The following PGS1 variants were observed in gnomAD, a reference collection of about 807,000 sequenced individuals.
PGS1 encodes CDP-diacylglycerol--glycerol-3-phosphate 3-phosphatidyltransferase, mitochondrial.
In PGS1, 44 loss-of-function variants were observed where a neutral mutation model predicts 58.3. The observed-to-expected ratio is 0.75, with a 90% CI of 0.59 to 0.97. The LOEUF (loss-of-function observed/expected upper bound fraction) is 0.97. PGS1 is among the 50% of genes least tolerant of loss of function. PGS1 has a pLI of 0.00. For synonymous variants in PGS1, 330 were observed against 311.0 expected (o/e 1.06, Z -0.64); for missense variants, 684 against 731.1 (o/e 0.94, Z 0.74).
intron 6 of PGS1, 39 bp from the exon 7 acceptor site, chr17:78,403,529 A>G (rs923595893): frequency 1.3e-6 from 2 of 1,591,000 alleles, no homozygotes; most frequent in African/African-American, 2.7e-5. Context: ...CAGACCCTCC[A>G]TTTCTCTTCC....
At chr17:78,423,662 C>T (rs866320078) in intron 9 of PGS1, 11 of 491,782 alleles carry the variant, frequency 2.2e-5, no homozygotes, top group African/African-American at 1.2e-4. Context: ...CCAGGCCTCA[C>T]AGTGGCCATC....
At chr17:78,423,339 G>C (rs980780633) in intron 9 of PGS1, among the ~76,000 whole-genome samples, 1 of 152,172 alleles carries the variant, frequency 6.6e-6, no homozygotes, top group East Asian at 1.9e-4. Context: ...TCTAGACTCT[G>C]GGGGCGGGGG....
chr17:78,390,438 T>G (rs1292269108), intron 1 of PGS1, among the ~76,000 whole-genome samples: 1 of 152,186 alleles, frequency 6.6e-6, no homozygotes, highest in Non-Finnish European at 1.5e-5. Flanking sequence ...TTCTTGGCAG[T>G]GAATCGGCAG....
intron 8 of PGS1, among the ~76,000 whole-genome samples, 168 bp downstream of exon 8, chr17:78,415,195 GAGCCTTGGA>G (rs2085073452): frequency 6.6e-6 from 1 of 152,204 alleles, no homozygotes. Flanking sequence ...ATGGGTGGCT[GAGCCTTGGA>G]AGATCATGCC....
intron 1 of PGS1, among the ~76,000 whole-genome samples, chr17:78,386,315 C>G (rs559394704): frequency 6.6e-6 from 1 of 152,308 alleles, no homozygotes; most frequent in South Asian, 2.1e-4. Context: ...ATTTTGAATG[C>G]TGGAGCACTG....
At chr17:78,416,236 A>G (rs551690514) in intron 8 of PGS1, among the ~76,000 whole-genome samples, 2 of 152,222 alleles carry the variant, frequency 1.3e-5, no homozygotes, top group Non-Finnish European at 2.9e-5. Context: ...TTTACAGCAA[A>G]TGACTGAGGA....
chr17:78,404,046 G>A lies in PGS1; in HGVS notation c.1359G>A (p.Gln453=). ...GCCTGGGACAGCAGGAGCGGGTCCA[G>A]CTTCAGGAGTACTGGCGGAGGGGCT... ...VCSLGQQERV[Q]LQEYWRRGWT... is the part of the protein sequence containing the mutation. The change falls in exon 7 of 10, where the codon CAG becomes CAA. Residue 453 remains glutamine, a synonymous_variant. Coordinates refer to ENST00000262764, the MANE Select transcript of PGS1 (RefSeq NM_024419.5). 1.2e-6 allele frequency: 2 copies of A among 1,606,778 alleles called. No homozygotes were observed. Among genetic ancestry groups the A allele is most frequent in the Non-Finnish European group, 1.7e-6 (2 of 1,175,562 alleles).
chr17:78,409,373 ATGCTGACAGGGAAATCTG>A (rs1195581310), intron 7 of PGS1, among the ~76,000 whole-genome samples: 3 of 152,288 alleles, frequency 2.0e-5, no homozygotes, highest in African/African-American at 7.2e-5. Flanking sequence ...TTTCTGGCTC[ATGCTGACAGGGAAATCTG>A]TTAATGGTTG....
At chr17:78,389,269 C>G (rs201644265) in intron 1 of PGS1, among the ~76,000 whole-genome samples, 140 of 151,894 alleles carry the variant, frequency 9.2e-4, no homozygotes, top group Non-Finnish European at 1.6e-3. Context: ...TCACTGCAAC[C>G]TCCGCCTCCC....
At chr17:78,385,602 T>G (rs973043414) in intron 1 of PGS1, among the ~76,000 whole-genome samples, 1 of 152,212 alleles carries the variant, frequency 6.6e-6, no homozygotes, top group Non-Finnish European at 1.5e-5. Context: ...TTTTTGTATT[T>G]TTAGTAGAGA....
intron 1 of PGS1, among the ~76,000 whole-genome samples, chr17:78,385,981 G>A (rs1416919812): frequency 6.6e-6 from 1 of 152,142 alleles, no homozygotes; most frequent in Non-Finnish European, 1.5e-5. Flanking sequence ...CAAGATGATG[G>A]GAAGAAACTT....
intron 1 of PGS1, among the ~76,000 whole-genome samples, chr17:78,386,555 T>C (rs1236935750): frequency 6.6e-6 from 1 of 152,246 alleles, no homozygotes; most frequent in Admixed American, 6.5e-5. Context: ...GTGTGTGTAC[T>C]GGTTTAGTTC....
Position 78,415,344 on chromosome 17 carries a change from A to G in PGS1, c.1551+317A>G, listed in dbSNP as rs150359699. Among the ~76,000 whole-genome samples the G allele has an allele frequency of 5.2e-3, 788 of 152,238 alleles. 6 individuals are homozygous for G. The highest frequency in any genetic ancestry group is 0.018 in the African/African-American group (762 of 41,540). On this transcript the variant is annotated intron_variant, in intron 8 of 9. Coordinates refer to ENST00000262764, the MANE Select transcript of PGS1 (RefSeq NM_024419.5). ...AAGGGTCAACTGTTAAAGGTTCGGC[A>G]TTGGGGCTGGGTGTGGTGGCTCATG...
chr17:78,383,711 A>G (rs1040217337), intron 1 of PGS1, among the ~76,000 whole-genome samples: 7 of 152,238 alleles, frequency 4.6e-5, no homozygotes, highest in Non-Finnish European at 8.8e-5. Context: ...ATGGCTGGGA[A>G]GGGGATATTT....
chr17:78,403,715 G>A lies in PGS1; in HGVS notation c.1028G>A (p.Arg343His), dbSNP rs767437531. 1.2e-5 allele frequency: 19 copies of A among 1,614,080 alleles called. No homozygotes were observed. The highest frequency in any genetic ancestry group is 8.9e-5 in the East Asian group (4 of 44,900). The change falls in exon 7 of 10, where the codon CGC (arginine) becomes CAC (histidine). Residue 343 changes from arginine (R) to histidine (H), a missense_variant. Arg to His is a conservative substitution (Grantham distance 29). Transcript: ENST00000262764. ...TQEDAAAAGD[R>H]RPAPDTWIYP... ...GAAGATGCAGCAGCTGCTGGGGATC[G>A]CAGACCAGCCCCTGACACCTGGATT...
intron 2 of PGS1, among the ~76,000 whole-genome samples, chr17:78,395,782 A>G (rs2083188673): frequency 6.6e-6 from 1 of 152,250 alleles, no homozygotes; most frequent in Admixed American, 6.5e-5. Flanking sequence ...TCTGTTGCCC[A>G]GGCTGGAGTG....
intron 2 of PGS1, among the ~76,000 whole-genome samples, chr17:78,393,443 T>G (rs972086857): frequency 1.3e-5 from 2 of 152,204 alleles, no homozygotes; most frequent in Non-Finnish European, 2.9e-5. Context: ...TGGTGAGGAC[T>G]GAGGACCCGT....
rs771988793 is a variant in PGS1 at position 78,392,646 on chromosome 17, A to T, written c.314A>T (p.Glu105Val). ...GTTAGGGTGCTTTCTTCCCCGGCAG[A>T]GTTTTTCGAGCTCATGAAGGTAAGT... The part of the protein sequence containing the change: ...SHVRVLSSPA[E>V]FFELMKGQIR... The change falls in exon 2 of 10, where the codon GAG becomes GTG. Residue 105 changes from glutamate (E) to valine (V), a missense_variant. By Grantham distance (121) the Glu-to-Val change is moderately radical. Transcript: ENST00000262764. 2.5e-6 allele frequency: 4 copies of T among 1,613,906 alleles called. No individual in the cohort carries two copies. The highest frequency in any genetic ancestry group is 2.5e-6 in the Non-Finnish European group (3 of 1,179,910).
At chr17:78,397,786 G>A (rs1158531939) in intron 3 of PGS1, among the ~76,000 whole-genome samples, 3 of 152,214 alleles carry the variant, frequency 2.0e-5, no homozygotes, top group Non-Finnish European at 4.4e-5. Flanking sequence ...GGAAGCCTGT[G>A]TGTTCTCATG....
Sources: allele counts gnomAD v4.1 joint callset (sites outside exome capture counted in the v4.1 genomes callset), GRCh38; gene constraint gnomAD v4.1.1; transcripts MANE v1.5; gene names NCBI Gene and HGNC (gene_info 2026-07-23, HGNC 2026-07-21).